The following ADAMTS20 variants were observed in gnomAD, a reference collection of about 807,000 sequenced individuals.
The protein encoded by ADAMTS20 is ADAM metallopeptidase with thrombospondin type 1 motif 20.
ADAMTS20 carries 225 observed loss-of-function variants against 260.1 expected under a neutral mutation model. The ratio of observed to expected loss-of-function variants is 0.87; its 90% confidence interval spans 0.78 to 0.97. The LOEUF is 0.97. Among genes scored for constraint, ADAMTS20 ranks in the 50% least tolerant of loss-of-function variants. The pLI, the probability that ADAMTS20 is intolerant of heterozygous loss-of-function variation, is 0.00. For synonymous variants in ADAMTS20, 802 were observed against 769.5 expected, an observed-to-expected ratio of 1.04 and a Z score of -0.70; for missense variants, 2,400 against 2,337.7, an observed-to-expected ratio of 1.03 and a Z score of -0.55.
chr12:43,395,677 CTTTTTTTT>C (rs5797860), intron 29 of ADAMTS20, among the ~76,000 whole-genome samples: 4 of 90,828 alleles, frequency 4.4e-5, no homozygotes, highest in Admixed American at 1.2e-4. Flanking sequence ...GTGTGAGATT[CTTTTTTTT>C]TTTTTTTTTT....
At chr12:43,490,942 A>G (rs1411994499) in intron 6 of ADAMTS20, among the ~76,000 whole-genome samples, 2 of 151,950 alleles carry the variant, frequency 1.3e-5, no homozygotes. Context: ...TTAATCTGCT[A>G]TCTCCAATCT....
intron 2 of ADAMTS20, 74 bp downstream of exon 2, chr12:43,550,835 C>T: frequency 6.9e-7 from 1 of 1,450,728 alleles, no homozygotes; most frequent in East Asian, 2.5e-5. Context: ...AACTCGAAAA[C>T]CCAAGGCCCC....
intron 3 of ADAMTS20, among the ~76,000 whole-genome samples, chr12:43,522,999 T>C (rs1943092655): frequency 1.3e-5 from 2 of 152,202 alleles, no homozygotes; most frequent in Admixed American, 6.5e-5. Flanking sequence ...GAAAAAGATA[T>C]CACTTTTCCT....
At chr12:43,375,871 T>A (rs560291294) in intron 35 of ADAMTS20, among the ~76,000 whole-genome samples, 186 bp downstream of exon 35, 1 of 152,252 alleles carries the variant, frequency 6.6e-6, no homozygotes, top group Non-Finnish European at 1.5e-5. Context: ...ACAATACATG[T>A]TAGTATTCAA....
At chr12:43,482,938 G>C (rs1409530657) in intron 7 of ADAMTS20, among the ~76,000 whole-genome samples, 1 of 152,144 alleles carries the variant, frequency 6.6e-6, no homozygotes, top group South Asian at 2.1e-4. Flanking sequence ...GAAAACCTTT[G>C]CACAACCTCA....
chr12:43,454,399 C>G (rs903853022), intron 11 of ADAMTS20, among the ~76,000 whole-genome samples: 2 of 152,056 alleles, frequency 1.3e-5, no homozygotes, highest in Admixed American at 1.3e-4. Flanking sequence ...TTTTTTTACT[C>G]AAAGTATCTA....
intron 16 of ADAMTS20, among the ~76,000 whole-genome samples, chr12:43,440,928 A>G (rs1435899974): frequency 1.3e-5 from 2 of 152,012 alleles, no homozygotes; most frequent in African/African-American, 4.8e-5. Flanking sequence ...AGCCGGGCGT[A>G]CTGGCGGGCG....
At chr12:43,425,745 T>G (rs1236501854) in intron 27 of ADAMTS20, 55 bp from the exon 28 acceptor site, 3 of 1,207,906 alleles carry the variant, frequency 2.5e-6, no homozygotes, top group Non-Finnish European at 3.4e-6. Context: ...AATAATGTAT[T>G]GCTTCATTCA....
chr12:43,540,382 T>G (rs1355597166), intron 2 of ADAMTS20, among the ~76,000 whole-genome samples: 1 of 152,202 alleles, frequency 6.6e-6, no homozygotes, highest in Non-Finnish European at 1.5e-5. Context: ...AATGAAAGCT[T>G]GTATGTTTGG....
intron 16 of ADAMTS20, among the ~76,000 whole-genome samples, chr12:43,441,890 A>T (rs1941672479): frequency 6.6e-6 from 1 of 152,198 alleles, no homozygotes; most frequent in Non-Finnish European, 1.5e-5. Context: ...GTTTCTGTGT[A>T]TATGTGGACT....
intron 28 of ADAMTS20, among the ~76,000 whole-genome samples, chr12:43,402,013 T>G (rs953959045): frequency 6.6e-6 from 1 of 151,998 alleles, no homozygotes; most frequent in Non-Finnish European, 1.5e-5. Context: ...AAAGCCCTAA[T>G]TCAATCCCAT....
At chr12:43,429,359 CGTAA>C (rs1941395770) in intron 24 of ADAMTS20, among the ~76,000 whole-genome samples, 1 of 152,086 alleles carries the variant, frequency 6.6e-6, no homozygotes, top group South Asian at 2.1e-4. Flanking sequence ...CAACCTGTGA[CGTAA>C]GTATTATTAG....
rs763550893 is a variant in ADAMTS20, at chr12:43,468,636, A to G, written c.1187T>C (p.Ile396Thr). 3.1e-6 allele frequency: 5 copies of G among 1,611,462 alleles called. No homozygotes were observed. The highest frequency in any genetic ancestry group is 4.2e-6 in the Non-Finnish European group (5 of 1,178,656). ...CTCATGGGCTATAGTAAAAGCAGAA[A>G]TGAGTCCTTTTTCTTCATTAATAAA... ...SCFINEEKGL[I>T]SAFTIAHELG... Residue 396 changes from isoleucine to threonine, a missense_variant, in exon 8 of 39, where the codon ATT becomes ACT. Coordinates refer to ENST00000389420, the MANE Select transcript of ADAMTS20 (RefSeq NM_025003.5).
In ADAMTS20 at chr12:43,354,246, G is replaced by C. The variant is rs754979211; in HGVS notation, c.5696C>G (p.Pro1899Arg). The change falls in exon 39 of 39, where the codon CCT becomes CGT. Residue 1899 changes from proline (P) to arginine (R), a missense_variant. Transcript: ENST00000389420. Reference protein sequence around the residue: ...KCGGYCGKCLPHMTTGLPIQV... With the variant: ...KCGGYCGKCLRHMTTGLPIQV... ...AATTGGGAGACCAGTAGTCATGTGA[G>C]GAAGACACTTTCCACAGTACCCTCC... is the stretch of plus-strand genomic sequence containing the variant. The C allele has an allele frequency of 1.3e-6, 2 of 1,594,956 alleles. No homozygotes were observed. The highest frequency in any genetic ancestry group is 3.5e-5 in the Admixed American group (2 of 57,790).
intron 37 of ADAMTS20, among the ~76,000 whole-genome samples, chr12:43,367,822 C>T (rs1300230187): frequency 6.6e-6 from 1 of 151,956 alleles, no homozygotes; most frequent in Non-Finnish European, 1.5e-5. Context: ...TAAATGAGTT[C>T]AGCAAAGTTG....
rs553257285 is a variant in ADAMTS20 at position 43,467,462 on chromosome 12, A to G, written c.1224-667T>C. Among the ~76,000 whole-genome samples the G allele has an allele frequency of 2.6e-5, 4 of 152,216 alleles. No individual in the cohort carries two copies. In the East Asian group the frequency reaches 7.7e-4, roughly 29 times the overall value. ...GGAACACTGAAACCACTTAATTCAG[A>G]TCCTTGCCTGCTAAAATTTGTATTT... On this transcript the variant is annotated intron_variant, in intron 8 of 38. Coordinates refer to ENST00000389420, the MANE Select transcript of ADAMTS20 (RefSeq NM_025003.5).
intron 7 of ADAMTS20, among the ~76,000 whole-genome samples, chr12:43,472,769 T>C (rs1455143335): frequency 6.6e-6 from 1 of 151,620 alleles, no homozygotes; most frequent in African/African-American, 2.4e-5. Context: ...TAAAATACTT[T>C]ACAAACAAGC....
Position 43,551,399 on chromosome 12 carries a change from A to G in ADAMTS20, c.92-129T>C. The G allele has an allele frequency of 7.6e-7, 1 of 1,319,116 alleles. No homozygotes were observed. The allele number at this position is 1,319,116 out of a possible 1,614,324, so 81.7% of individuals were successfully genotyped here. ...ACAGCCAGGGGCAAGACAAATGCACACATGCTGATGCGCACGCACACACAC... is the reference window on the plus strand; with the variant it reads ...ACAGCCAGGGGCAAGACAAATGCACGCATGCTGATGCGCACGCACACACAC... On this transcript the variant is annotated intron_variant, in intron 1 of 38. Coordinates refer to ENST00000389420, the MANE Select transcript of ADAMTS20 (RefSeq NM_025003.5). The surrounding 1 kb of genome is among the most constrained non-coding windows in gnomAD (Gnocchi z 4.6).
chr12:43,531,994 G>A (rs1168831137), intron 3 of ADAMTS20, 42 bp downstream of exon 3: 1 of 1,299,272 alleles, frequency 7.7e-7, no homozygotes, highest in Non-Finnish European at 1.0e-6. Flanking sequence ...GATTTAAATA[G>A]TATCACTATT....
Sources: allele counts gnomAD v4.1 joint callset (sites outside exome capture counted in the v4.1 genomes callset), GRCh38; gene constraint gnomAD v4.1.1; non-coding constraint Gnocchi (gnomAD v3.1); transcripts MANE v1.5; gene names NCBI Gene and HGNC (gene_info 2026-07-23, HGNC 2026-07-21).